The following BCL2L11 variants were observed in gnomAD, a reference collection of about 807,000 sequenced individuals.
The protein encoded by BCL2L11 is bcl-2-like protein 11.
Under a neutral mutation model 20.6 loss-of-function variants are expected in BCL2L11, and 15 were observed. The observed-to-expected ratio is 0.73, with a 90% CI of 0.49 to 1.12. The LOEUF (loss-of-function observed/expected upper bound fraction) is 1.12, where lower values mean the gene tolerates loss of function less well. BCL2L11 is among the 50% of genes most tolerant of loss of function. The pLI, the probability that BCL2L11 is intolerant of heterozygous loss-of-function variation, is 0.00. For missense variants in BCL2L11, 292 were observed against 260.9 expected, an observed-to-expected ratio of 1.12 and a Z score of -0.82; for synonymous variants, 108 against 92.8, an observed-to-expected ratio of 1.16 and a Z score of -0.94.
chr2:111,143,025 T>C (rs2076056384), intron 2 of BCL2L11, among the ~76,000 whole-genome samples: 1 of 152,194 alleles, frequency 6.6e-6, no homozygotes, highest in Admixed American at 6.5e-5. Context: ...GTAGAAAAAA[T>C]ATAGGGATTT....
intron 2 of BCL2L11, among the ~76,000 whole-genome samples, chr2:111,129,672 T>C (rs1293847027): frequency 6.6e-6 from 1 of 152,220 alleles, no homozygotes; most frequent in African/African-American, 2.4e-5. Flanking sequence ...TATTCAGGTT[T>C]ATCAAATGTG....
chr2:111,157,456 A>G (rs560882942), intron 3 of BCL2L11, among the ~76,000 whole-genome samples: 1 of 152,286 alleles, frequency 6.6e-6, no homozygotes, highest in South Asian at 2.1e-4. Flanking sequence ...ATTTTGGAAC[A>G]GTGTGTTTCT....
At chr2:111,162,778 A>T (rs1410668913) in intron 3 of BCL2L11, 1 of 152,196 alleles carries the variant, frequency 6.6e-6, no homozygotes, top group African/African-American at 2.4e-5. Flanking sequence ...CACTTTCTTC[A>T]TTTTAGTAAG....
chr2:111,130,087 T>C (rs2073600437), intron 2 of BCL2L11: 1 of 396,670 alleles, frequency 2.5e-6, no homozygotes, highest in South Asian at 1.8e-5. Context: ...TTAAAAGAAG[T>C]ATTTATTGTA....
At chr2:111,154,106 T>C (rs923410927) in intron 3 of BCL2L11, among the ~76,000 whole-genome samples, 1 of 152,220 alleles carries the variant, frequency 6.6e-6, no homozygotes, top group African/African-American at 2.4e-5. Context: ...CCCTTTTATA[T>C]CTGCCCCACT....
chr2:111,146,379 C>A, intron 2 of BCL2L11: 1 of 429,282 alleles, frequency 2.3e-6, no homozygotes, highest in Non-Finnish European at 3.1e-6. Flanking sequence ...CTAGAAATGT[C>A]AACCTAAGTT....
intron 2 of BCL2L11, among the ~76,000 whole-genome samples, chr2:111,147,390 ACC>A (rs1553500143): frequency 2.2e-5 from 3 of 138,256 alleles, no homozygotes; most frequent in Admixed American, 7.3e-5. Context: ...ACACACACAC[ACC>A]CGCCATTTCT....
intron 3 of BCL2L11, chr2:111,151,688 T>C: frequency 2.7e-6 from 2 of 741,464 alleles, no homozygotes; most frequent in Non-Finnish European, 4.7e-6. Context: ...TCTGTAAGAG[T>C]CAAGAAAACA....
At chr2:111,143,852 A>G (rs1381858852) in intron 2 of BCL2L11, among the ~76,000 whole-genome samples, 2 of 152,238 alleles carry the variant, frequency 1.3e-5, no homozygotes, top group Non-Finnish European at 2.9e-5. Flanking sequence ...TTGAATGAGA[A>G]ATGAGTAAAA....
intron 2 of BCL2L11, among the ~76,000 whole-genome samples, chr2:111,140,023 G>A (rs1360931266): frequency 2.0e-5 from 3 of 152,208 alleles, no homozygotes; most frequent in African/African-American, 7.2e-5. Flanking sequence ...GTCACTGCCA[G>A]CCAGTTGACT....
At chr2:111,158,793 A>G (rs2078202675) in intron 3 of BCL2L11, among the ~76,000 whole-genome samples, 1 of 152,214 alleles carries the variant, frequency 6.6e-6, no homozygotes, top group Non-Finnish European at 1.5e-5. Context: ...ACTCTTAACT[A>G]AACTGTGGCT....
chr2:111,122,729 G>T, intron 1 of BCL2L11: 1 of 983,552 alleles, frequency 1.0e-6, no homozygotes, highest in Non-Finnish European at 1.2e-6. Context: ...GCCCGGCGGA[G>T]CGCGGCGGCG....
intron 3 of BCL2L11, among the ~76,000 whole-genome samples, chr2:111,152,500 G>T (rs530132641): frequency 2.0e-5 from 3 of 152,264 alleles, no homozygotes; most frequent in Non-Finnish European, 2.9e-5. Context: ...AGGCTTTCCT[G>T]TGGGCCTGCC....
At chr2:111,143,451 G>T (rs998765441) in intron 2 of BCL2L11, among the ~76,000 whole-genome samples, 5 of 152,332 alleles carry the variant, frequency 3.3e-5, no homozygotes, top group Admixed American at 6.5e-5. Flanking sequence ...AAAAAGTGGG[G>T]TGATGATTGA....
intron 1 of BCL2L11, among the ~76,000 whole-genome samples, chr2:111,121,651 T>C (rs879280163): frequency 6.6e-6 from 1 of 152,204 alleles, no homozygotes; most frequent in East Asian, 1.9e-4. Context: ...CGCGTGGGCC[T>C]GTTGCGGAGG....
Position 111,128,970 on chromosome 2 carries a change from T to C in BCL2L11, c.394+4831T>C, listed in dbSNP as rs1018661625. 11 of 633,380 alleles carry C rather than the reference T, an allele frequency of 1.7e-5. No individual in the cohort carries two copies. In the Admixed American group the frequency reaches 1.9e-4, roughly 11 times the overall value. 39.2% of individuals were successfully genotyped at this position (633,380 alleles called of 1,614,324 possible). ...ACAGAGGAGCTGGAGTGTGCAGTGC[T>C]GCTCTAGCAAGCCAGGCTTGACTCT... On this transcript the variant is annotated intron_variant, in intron 2 of 3. Coordinates refer to ENST00000393256, the MANE Select transcript of BCL2L11 (RefSeq NM_138621.5).
intron 3 of BCL2L11, among the ~76,000 whole-genome samples, chr2:111,162,043 T>C (rs1383630113): frequency 6.6e-6 from 1 of 152,182 alleles, no homozygotes. Flanking sequence ...GCCACAGTAA[T>C]TTTTATGGCT....
At chr2:111,162,399 C>T (rs1377719077) in intron 3 of BCL2L11, among the ~76,000 whole-genome samples, 1 of 152,186 alleles carries the variant, frequency 6.6e-6, no homozygotes. Context: ...TGCATTTTCC[C>T]CACCCTCTCC....
intron 2 of BCL2L11, among the ~76,000 whole-genome samples, chr2:111,136,660 G>A (rs1283587783): frequency 1.3e-5 from 2 of 152,168 alleles, no homozygotes; most frequent in African/African-American, 2.4e-5. Flanking sequence ...CGGCACCTTC[G>A]AGCTGTGTCC....
Sources: gnomAD v4.1 joint callset for allele counts (sites outside exome capture counted in the v4.1 genomes callset) on GRCh38, gnomAD v4.1.1 for gene constraint, MANE v1.5 for transcripts, NCBI Gene and HGNC (gene_info 2026-07-23, HGNC 2026-07-21) for gene names.